CCDC191: variants seen among roughly 807,000 people sequenced by gnomAD.
CCDC191 encodes the protein coiled-coil domain containing 191, also known as coiled-coil domain-containing protein 191.
CCDC191 carries 99 observed loss-of-function variants against 114.0 expected under a neutral mutation model. The observed-to-expected ratio is 0.87, with a 90% CI of 0.74 to 1.03. The LOEUF is 1.03. Among genes scored for constraint, CCDC191 ranks in the 50% least tolerant of loss-of-function variants. The pLI is 0.00. For missense variants in CCDC191, 973 were observed against 1,087.0 expected (o/e 0.90, Z 1.47); for synonymous variants, 351 against 376.0 (o/e 0.93, Z 0.77).
chr3:114,039,319 A>G (rs560003136), intron 4 of CCDC191: 1 of 152,232 alleles, frequency 6.6e-6, no homozygotes, highest in East Asian at 1.9e-4. Context: ...CAGCCTGAGA[A>G]GCAAAGCAAG....
intron 4 of CCDC191, among the ~76,000 whole-genome samples, chr3:114,040,589 A>G (rs1360607971): frequency 1.3e-5 from 2 of 152,188 alleles, no homozygotes; most frequent in Non-Finnish European, 2.9e-5. Flanking sequence ...TTATTTTTAT[A>G]TTAACATAGT....
At chr3:114,008,340 A>AT (rs1459974910) in intron 9 of CCDC191, among the ~76,000 whole-genome samples, 1 of 151,974 alleles carries the variant, frequency 6.6e-6, no homozygotes, top group Admixed American at 6.6e-5. Flanking sequence ...AATGTTACAC[A>AT]TAAGTCCCAA....
At chr3:114,006,619 A>ATATATATATATATATAAATATAAAT (rs1559903359) in intron 9 of CCDC191, among the ~76,000 whole-genome samples, 2 of 92,548 alleles carry the variant, frequency 2.2e-5, no homozygotes, top group African/African-American at 8.4e-5. Flanking sequence ...TATATATATA[A>ATATATATATATATATAAATATAAAT]ATATATATAT....
chr3:114,019,884 T>C (rs866831958), intron 7 of CCDC191, among the ~76,000 whole-genome samples: 1 of 152,138 alleles, frequency 6.6e-6, no homozygotes. Flanking sequence ...TATAACAATC[T>C]ATGCTTTCTT....
rs35373479 is a variant in CCDC191 at position 113,968,723 on chromosome 3, G to T, written c.2607-3364C>A. On this transcript the variant is annotated intron_variant, in intron 16 of 16. Coordinates refer to ENST00000295878, the MANE Select transcript of CCDC191 (RefSeq NM_020817.2). ...TATCCACCCACCTTAGCCTCCCAAAGTGTTGGGATTATAGATGTGAGCCAC... is the reference window on the plus strand; with the variant it reads ...TATCCACCCACCTTAGCCTCCCAAATTGTTGGGATTATAGATGTGAGCCAC... Among the ~76,000 whole-genome samples, 1,166 of 151,774 alleles carry T rather than the reference G, an allele frequency of 7.7e-3. 4 individuals are homozygous for T. The highest frequency in any genetic ancestry group is 0.011 in the Non-Finnish European group (779 of 67,922).
chr3:114,018,990 GT>G, intron 7 of CCDC191, 122 bp from the exon 8 acceptor site: 2 of 821,522 alleles, frequency 2.4e-6, no homozygotes, highest in East Asian at 2.5e-5. Flanking sequence ...AGGAACTGTT[GT>G]CTTAATGGAA....
chr3:114,022,364 G>C (rs747444876), intron 7 of CCDC191, among the ~76,000 whole-genome samples: 6 of 152,146 alleles, frequency 3.9e-5, no homozygotes, highest in Non-Finnish European at 7.4e-5. Context: ...TGTCACTAGA[G>C]ATGCTTGTTC....
At chr3:114,048,390 G>C (rs1261692112) in intron 2 of CCDC191, among the ~76,000 whole-genome samples, 1 of 152,138 alleles carries the variant, frequency 6.6e-6, no homozygotes, top group Non-Finnish European at 1.5e-5. Flanking sequence ...CAGAATTAAT[G>C]TCAAAGTCCT....
At chr3:114,028,813 G>T (rs1362798673) in intron 7 of CCDC191, among the ~76,000 whole-genome samples, 7 of 150,446 alleles carry the variant, frequency 4.7e-5, no homozygotes. Context: ...AGATACAGAA[G>T]TCAGTTACAA....
intron 2 of CCDC191, among the ~76,000 whole-genome samples, 200 bp downstream of exon 2, chr3:114,053,397 C>A (rs1325149885): frequency 3.3e-5 from 5 of 151,924 alleles, no homozygotes; most frequent in African/African-American, 1.2e-4. Context: ...TCTTGTCATT[C>A]CTACTTAAAT....
intron 9 of CCDC191, among the ~76,000 whole-genome samples, chr3:114,008,061 TA>T (rs2076002015): frequency 6.8e-6 from 1 of 147,026 alleles, no homozygotes; most frequent in Admixed American, 6.8e-5. Flanking sequence ...ACTATATATA[TA>T]AATTACTATA....
intron 9 of CCDC191, 110 bp downstream of exon 9, chr3:114,010,662 C>A: frequency 9.7e-7 from 1 of 1,032,252 alleles, no homozygotes; most frequent in Non-Finnish European, 1.4e-6. Flanking sequence ...ATTGAGGCAG[C>A]TCTAATCTTC....
At chr3:114,054,945 ATCTCTT>A (rs2076747782) in intron 1 of CCDC191, among the ~76,000 whole-genome samples, 1 of 151,916 alleles carries the variant, frequency 6.6e-6, no homozygotes, top group Non-Finnish European at 1.5e-5. Flanking sequence ...GGAGCACTAA[ATCTCTT>A]TTGGTTTGGC....
chr3:113,972,304 T>G (rs1269162118), intron 16 of CCDC191, among the ~76,000 whole-genome samples: 1 of 152,148 alleles, frequency 6.6e-6, no homozygotes, highest in East Asian at 1.9e-4. Flanking sequence ...TCAAGAAATT[T>G]TTAAATTTTT....
chr3:114,003,346 C>T, intron 11 of CCDC191: 3 of 985,268 alleles, frequency 3.0e-6, no homozygotes, highest in Non-Finnish European at 3.6e-6. Context: ...GAATTTAAGT[C>T]CAAGTTTTAA....
chr3:114,006,445 G>T (rs911020851), intron 9 of CCDC191, among the ~76,000 whole-genome samples: 2 of 149,366 alleles, frequency 1.3e-5, no homozygotes, highest in African/African-American at 2.5e-5. Context: ...CGAGACCCTG[G>T]CTCAAAAAAA....
At chr3:114,018,258 C>A (rs1487707265) in intron 8 of CCDC191, among the ~76,000 whole-genome samples, 8 of 152,216 alleles carry the variant, frequency 5.3e-5, no homozygotes, top group Non-Finnish European at 1.2e-4. Context: ...AATGCTACTA[C>A]ACCAGAACAC....
chr3:113,970,716 C>T (rs1438600110), intron 16 of CCDC191, among the ~76,000 whole-genome samples: 6 of 152,118 alleles, frequency 3.9e-5, no homozygotes, highest in East Asian at 3.9e-4. Flanking sequence ...TATCCCTCCC[C>T]GTCCCCCCAC....
rs1205129843 is a variant in CCDC191 at position 114,005,658 on chromosome 3, TG to T, written c.1717del (p.Gln573SerfsTer8). On this transcript the variant is annotated frameshift_variant, in exon 10 of 17. Transcript: ENST00000295878. LOFTEE classifies it high-confidence loss of function. The stretch of plus-strand genomic sequence containing the variant: ...CTTCAGCTCGAGAATTGTTTTCTGC[TG>T]TTCCTGAAGTTTCTTCTTTTGCTTC... Reference protein sequence around the residue: ...IEKQKKKLQEQQKTILELKKN... With the variant: ...IEKQKKKLQEXQKTILELKKN... 6.2e-7 allele frequency: 1 copy of T among 1,614,182 alleles called. No individual in the cohort carries two copies. Among genetic ancestry groups the T allele is most frequent in the Admixed American group, 1.7e-5 (1 of 60,022 alleles).
Sources: gnomAD v4.1 joint callset for allele counts (sites outside exome capture counted in the v4.1 genomes callset) on GRCh38, gnomAD v4.1.1 for gene constraint, MANE v1.5 for transcripts, NCBI Gene and HGNC (gene_info 2026-07-23, HGNC 2026-07-21) for gene names.